Variants in ABHD2 observed in about 807,000 individuals in gnomAD.
ABHD2 encodes monoacylglycerol lipase ABHD2.
A neutral mutation model predicts 48.1 loss-of-function variants in ABHD2; 20 were observed. The ratio of observed to expected loss-of-function variants is 0.42; its 90% CI spans 0.29 to 0.60. The LOEUF (loss-of-function observed/expected upper bound fraction) is 0.60. Among genes scored for constraint, ABHD2 ranks in the 20% least tolerant of loss-of-function variants. The pLI is 0.24. For missense variants in ABHD2, 405 were observed against 550.9 expected (o/e 0.74, Z 2.65); for synonymous variants, 209 against 214.2 (o/e 0.98, Z 0.21).
rs917428475 is a variant in ABHD2, at chr15:89,182,829, G to GTAAGGTA, written c.723-2593_723-2587dup. On this transcript the variant is annotated intron_variant, in intron 6 of 10. Coordinates refer to ENST00000352732, the MANE Select transcript of ABHD2 (RefSeq NM_152924.5). This position sits in a 1 kb window ranked among gnomAD's most constrained non-coding sequence, Gnocchi z 4.8. ...ACAAAAAAAGAACTTGGATAGGCAAGTAAGGTATTTGTGCAGTGTCTAGAG... is the reference window on the plus strand; with the variant it reads ...ACAAAAAAAGAACTTGGATAGGCAAGTAAGGTATAAGGTATTTGTGCAGTGTCTAGAG... Among the ~76,000 whole-genome samples the GTAAGGTA allele has an allele frequency of 1.3e-5, 2 of 152,096 alleles. No homozygotes were observed. Among genetic ancestry groups the GTAAGGTA allele is most frequent in the Non-Finnish European group, 2.9e-5 (2 of 68,008 alleles).
At chr15:89,170,676 C>T (rs1015311832) in intron 5 of ABHD2, among the ~76,000 whole-genome samples, 1 of 152,182 alleles carries the variant, frequency 6.6e-6, no homozygotes, top group African/African-American at 2.4e-5. Flanking sequence ...GACCAGAGGG[C>T]CTGTTACCCA....
At chr15:89,070,239 G>A in the ABHD2 span, 2 of 152,278 alleles carry the variant, frequency 1.3e-5, no homozygotes, top group South Asian at 4.1e-4. Flanking sequence ...AGTGACATGT[G>A]TTCATTCTGC....
the ABHD2 span, among the ~76,000 whole-genome samples, chr15:89,056,271 G>A: frequency 8.5e-5 from 13 of 152,178 alleles, no homozygotes; most frequent in Middle Eastern, 3.2e-3. Flanking sequence ...TCACAAAACT[G>A]TTAATATTGC....
chr15:89,112,040 C>G (rs956917605), intron 1 of ABHD2, among the ~76,000 whole-genome samples: 15 of 152,046 alleles, frequency 9.9e-5, no homozygotes, highest in African/African-American at 3.6e-4. Flanking sequence ...CCAAAGGTTG[C>G]ATATTCAGAT....
intron 5 of ABHD2, among the ~76,000 whole-genome samples, chr15:89,162,589 C>A (rs1479959502): frequency 6.6e-6 from 1 of 151,970 alleles, no homozygotes; most frequent in East Asian, 1.9e-4. Flanking sequence ...TTTGGAAGGC[C>A]CTTCTGTGGT....
chr15:89,052,510 T>G, the ABHD2 span, among the ~76,000 whole-genome samples: 1 of 149,720 alleles, frequency 6.7e-6, no homozygotes, highest in African/African-American at 2.5e-5. Flanking sequence ...AAAAGGAGGG[T>G]TTGGACCCAG....
Position 89,114,699 on chromosome 15 carries a change from G to A in ABHD2, c.-7+875G>A, listed in dbSNP as rs546788513. Reference sequence around the variant, plus strand: ...GATTTCACCATGTTGGCCAGGGCTGGTCTCGAACTCCTGAGCTCAAGTGAT... The same window carrying A: ...GATTTCACCATGTTGGCCAGGGCTGATCTCGAACTCCTGAGCTCAAGTGAT... On this transcript the variant is annotated intron_variant, in intron 2 of 10. Coordinates refer to ENST00000352732, the MANE Select transcript of ABHD2 (RefSeq NM_152924.5). The surrounding 1 kb of genome is among the most constrained non-coding windows in gnomAD (Gnocchi z 4.2). Among the ~76,000 whole-genome samples the A allele has an allele frequency of 4.6e-5, 7 of 152,198 alleles. No individual in the cohort carries two copies. Among genetic ancestry groups the A allele is most frequent in the Admixed American group, 3.9e-4 (6 of 15,292 alleles).
chr15:89,181,601 C>T (rs1332877492), intron 6 of ABHD2, among the ~76,000 whole-genome samples: 2 of 152,116 alleles, frequency 1.3e-5, no homozygotes, highest in African/African-American at 2.4e-5. Flanking sequence ...TTTCAAAGAC[C>T]ACAGGAAAGC....
intron 5 of ABHD2, among the ~76,000 whole-genome samples, chr15:89,159,141 CTGAGGT>C (rs1243817852): frequency 1.3e-5 from 2 of 151,856 alleles, no homozygotes; most frequent in Admixed American, 1.3e-4. Flanking sequence ...CTTTGGGAGG[CTGAGGT>C]GGACAGATTA....
intron 3 of ABHD2, among the ~76,000 whole-genome samples, chr15:89,140,175 C>G (rs2050379307): frequency 6.6e-6 from 1 of 152,204 alleles, no homozygotes; most frequent in Non-Finnish European, 1.5e-5. Context: ...AGCCTGTGGA[C>G]TTGTGAGGCT....
At chr15:89,131,011 A>G (rs2050210586) in intron 3 of ABHD2, among the ~76,000 whole-genome samples, 1 of 152,142 alleles carries the variant, frequency 6.6e-6, no homozygotes, top group Non-Finnish European at 1.5e-5. Context: ...TCTCTCCTTC[A>G]GTGCCTCTGC....
Position 89,166,461 on chromosome 15 carries a change from A to C in ABHD2, c.539-9351A>C, listed in dbSNP as rs2050839883. 1.3e-5 allele frequency among the ~76,000 whole-genome samples: 2 copies of C among 152,342 alleles called. No individual in the cohort carries two copies. The highest frequency in any genetic ancestry group is 2.9e-5 in the Non-Finnish European group (2 of 68,032). On this transcript the variant is annotated intron_variant, in intron 5 of 10. Coordinates refer to ENST00000352732, the MANE Select transcript of ABHD2 (RefSeq NM_152924.5). The surrounding 1 kb of genome is among the most constrained non-coding windows in gnomAD (Gnocchi z 4.6). The stretch of plus-strand genomic sequence containing the variant: ...TGGGAGGAGGAAATCTTTAATGTCC[A>C]ACTGGGTTTAATACAGGAACTTTTT...
chr15:89,115,778 A>T (rs1270748737), intron 2 of ABHD2, among the ~76,000 whole-genome samples: 2 of 152,148 alleles, frequency 1.3e-5, no homozygotes, highest in African/African-American at 4.8e-5. Context: ...CTGCTCTGCA[A>T]ATAAAGGGGT....
chr15:89,154,141 T>G (rs1183810927), intron 4 of ABHD2, among the ~76,000 whole-genome samples: 1 of 152,178 alleles, frequency 6.6e-6, no homozygotes, highest in Non-Finnish European at 1.5e-5. Flanking sequence ...AGTGACTGTT[T>G]ACAGATACGG....
chr15:89,053,766 C>T, the ABHD2 span, among the ~76,000 whole-genome samples: 28 of 152,308 alleles, frequency 1.8e-4, no homozygotes, highest in East Asian at 9.6e-4. Context: ...CCTATGATGG[C>T]GCCCCTTGGA....
Position 89,188,396 on chromosome 15 carries a change from G to A in ABHD2, c.926+93G>A. 9.2e-7 allele frequency: 1 copy of A among 1,090,492 alleles called. No individual in the cohort carries two copies. The highest frequency in any genetic ancestry group is 1.4e-6 in the Non-Finnish European group (1 of 731,432). 67.6% of individuals were successfully genotyped at this position (1,090,492 alleles called of 1,614,324 possible). A position where few individuals can be genotyped will look rare whatever the true frequency, so the allele number is the denominator to read the frequency against. On this transcript the variant is annotated intron_variant, in intron 8 of 10. Coordinates refer to ENST00000352732, the MANE Select transcript of ABHD2 (RefSeq NM_152924.5). The surrounding 1 kb of genome is among the most constrained non-coding windows in gnomAD (Gnocchi z 4.1). The stretch of plus-strand genomic sequence containing the variant: ...TGTGCCCAGCACTAGTGTTTGCTCT[G>A]CCTACTTGAGTGTTAAGGGTGTTTT...
Position 89,151,985 on chromosome 15 carries a change from GGA to G in ABHD2, c.370+134_370+135del, listed in dbSNP as rs1220027129. The stretch of plus-strand genomic sequence containing the variant: ...TCAGGGGCTGTTGGGAAGCCTGCTG[GGA>G]TTCGTCACTTAGGAGCAGCCTGCAA... On this transcript the variant is annotated intron_variant, in intron 4 of 10. Transcript: ENST00000352732. This position sits in a 1 kb window ranked among gnomAD's most constrained non-coding sequence, Gnocchi z 4.7. 5.9e-6 allele frequency: 7 copies of G among 1,195,340 alleles called. No homozygotes were observed. The African/African-American group carries it at 1.1e-4, about 18-fold the overall frequency. The allele number at this position is 1,195,340 out of a possible 1,614,324, so 74.0% of individuals were successfully genotyped here. A position where few individuals can be genotyped will look rare whatever the true frequency, so the allele number is the denominator to read the frequency against.
At chr15:89,086,471 G>GT (rs1368554551), upstream of ABHD2, among the ~76,000 whole-genome samples, 3 of 152,024 alleles carry the variant, frequency 2.0e-5, no homozygotes, top group Admixed American at 2.0e-4. Flanking sequence ...CTGGAGTGCA[G>GT]TGGTGCGATC....
rs2051470717 is a variant in ABHD2, at chr15:89,201,971, C to T, written c.*6548C>T. 4.2e-6 allele frequency: 2 copies of T among 481,922 alleles called. No individual in the cohort carries two copies. Among genetic ancestry groups the T allele is most frequent in the Non-Finnish European group, 7.4e-6 (2 of 270,268 alleles). 29.9% of individuals were successfully genotyped at this position (481,922 alleles called of 1,614,324 possible). A position where few individuals can be genotyped will look rare whatever the true frequency, so the allele number is the denominator to read the frequency against. On this transcript the variant is annotated 3_prime_UTR_variant, in exon 11 of 11. Transcript: ENST00000352732. ...CAGATTGATTTTTAGAGCACCATCA[C>T]TTTCACATTCCTGATTCTGATTTTG...
Sources: gnomAD v4.1 joint callset for allele counts (sites outside exome capture counted in the v4.1 genomes callset) on GRCh38, gnomAD v4.1.1 for gene constraint, Gnocchi (gnomAD v3.1) non-coding constraint, MANE v1.5 for transcripts, NCBI Gene and HGNC (gene_info 2026-07-23, HGNC 2026-07-21) for gene names.